Variants in KAZN observed in about 807,000 individuals in gnomAD.
KAZN encodes the protein kazrin, periplakin interacting protein, also known as kazrin.
KAZN carries 40 observed loss-of-function variants against 87.4 expected under a neutral mutation model. That is an observed-to-expected ratio of 0.46 (90% CI 0.36 to 0.60). The LOEUF (loss-of-function observed/expected upper bound fraction) is 0.60, where lower values mean the gene tolerates loss of function less well. Among genes scored for constraint, KAZN ranks in the 20% least tolerant of loss-of-function variants. The pLI is 0.00. For synonymous variants in KAZN, 466 were observed against 458.3 expected (o/e 1.02, Z -0.22); for missense variants, 898 against 1,073.9 (o/e 0.84, Z 2.29).
chr1:14,786,117 TA>T (rs1645501499), intron 1 of KAZN, among the ~76,000 whole-genome samples: 1 of 152,220 alleles, frequency 6.6e-6, no homozygotes, highest in African/African-American at 2.4e-5. Flanking sequence ...TCATTGTAAT[TA>T]TATTTCATCT....
intron 2 of KAZN, among the ~76,000 whole-genome samples, chr1:14,475,644 T>C (rs1408153201): frequency 6.6e-6 from 1 of 152,206 alleles, no homozygotes; most frequent in Non-Finnish European, 1.5e-5. Context: ...AACTATTCAG[T>C]ATTTCAATTT....
intron 1 of KAZN, among the ~76,000 whole-genome samples, chr1:14,630,220 C>T (rs1348997699): frequency 3.3e-5 from 5 of 152,180 alleles, no homozygotes; most frequent in East Asian, 3.9e-4. Flanking sequence ...TACCCCAGCT[C>T]GGTCCTGATG....
chr1:14,581,271 T>C (rs1675530561), intron 2 of KAZN, among the ~76,000 whole-genome samples: 1 of 152,196 alleles, frequency 6.6e-6, no homozygotes, highest in African/African-American at 2.4e-5. Context: ...AATGAATGTT[T>C]CATTCTTCCA....
At chr1:14,021,953 C>CTTTTTTTTTTTTT in intron 1 of KAZN, among the ~76,000 whole-genome samples, 1 of 114,292 alleles carries the variant, frequency 8.7e-6, no homozygotes, top group Non-Finnish European at 1.7e-5. Flanking sequence ...AATGAACATG[C>CTTTTTTTTTTTTT]TTTTTTTTTT....
chr1:14,304,143 T>C lies in KAZN; in HGVS notation c.249+123551T>C, dbSNP rs1007915396. ...TTCCCTTCCTCTGGGCATTTCCTTTTGGAGTGGTAGAAAATGGGCCCAGAA... is the reference window on the plus strand; with the variant it reads ...TTCCCTTCCTCTGGGCATTTCCTTTCGGAGTGGTAGAAAATGGGCCCAGAA... On this transcript the variant is annotated intron_variant, in intron 2 of 16. Transcript: ENST00000636203. 5.9e-5 allele frequency among the ~76,000 whole-genome samples: 9 copies of C among 152,310 alleles called. No homozygotes were observed. The East Asian group carries it at 1.7e-3, about 29-fold the overall frequency.
chr1:14,466,774 C>T (rs1325905070), intron 2 of KAZN, among the ~76,000 whole-genome samples: 1 of 151,948 alleles, frequency 6.6e-6, no homozygotes, highest in Non-Finnish European at 1.5e-5. Context: ...GGAGACCATC[C>T]TGGCTAACAC....
intron 2 of KAZN, among the ~76,000 whole-genome samples, chr1:14,352,717 C>A (rs1658652926): frequency 6.6e-6 from 1 of 152,086 alleles, no homozygotes; most frequent in Non-Finnish European, 1.5e-5. Flanking sequence ...CTTACAAATA[C>A]CTTTTCATCA....
chr1:14,557,921 T>C (rs1042158641), intron 2 of KAZN, among the ~76,000 whole-genome samples: 16 of 152,158 alleles, frequency 1.1e-4, no homozygotes, highest in African/African-American at 3.9e-4. Context: ...GCACTAATAT[T>C]ATTGACCTTC....
chr1:15,070,182 G>C (rs554403609), intron 8 of KAZN, among the ~76,000 whole-genome samples: 1 of 152,208 alleles, frequency 6.6e-6, no homozygotes, highest in East Asian at 1.9e-4. Context: ...CTTCTCCCAG[G>C]GGGGCATCTT....
At chr1:14,983,664 G>A (rs144270542) in intron 2 of KAZN, among the ~76,000 whole-genome samples, 16 of 152,304 alleles carry the variant, frequency 1.1e-4, no homozygotes, top group Non-Finnish European at 2.2e-4. Flanking sequence ...AAGAGAGGCC[G>A]GGCGTGGTGG....
intron 3 of KAZN, among the ~76,000 whole-genome samples, chr1:15,041,644 C>T (rs1195714735): frequency 3.3e-5 from 5 of 152,006 alleles, no homozygotes; most frequent in African/African-American, 1.2e-4. Flanking sequence ...GCCACACTCC[C>T]CTCTTATGTC....
chr1:14,379,837 A>C (rs1218006883), intron 2 of KAZN, among the ~76,000 whole-genome samples: 2 of 152,188 alleles, frequency 1.3e-5, no homozygotes, highest in African/African-American at 4.8e-5. Flanking sequence ...GGCTGGCTTC[A>C]CCACTTGCTG....
intron 8 of KAZN, among the ~76,000 whole-genome samples, chr1:15,089,229 C>T (rs1640414742): frequency 6.6e-6 from 1 of 152,178 alleles, no homozygotes; most frequent in African/African-American, 2.4e-5. Flanking sequence ...TCCTTTCTCT[C>T]CTTCCCATGC....
At chr1:14,892,904 T>C (rs551400297) in intron 1 of KAZN, among the ~76,000 whole-genome samples, 30 of 152,334 alleles carry the variant, frequency 2.0e-4, no homozygotes, top group Admixed American at 1.7e-3. Flanking sequence ...ACCAGTCTCC[T>C]AAGATTATTC....
intron 1 of KAZN, among the ~76,000 whole-genome samples, chr1:14,109,063 C>T (rs1644442370): frequency 6.6e-6 from 1 of 152,328 alleles, no homozygotes; most frequent in East Asian, 1.9e-4. Flanking sequence ...AGCCCATGAC[C>T]TTTACTTAAG....
chr1:14,527,327 G>C (rs1434027689), intron 2 of KAZN, among the ~76,000 whole-genome samples: 1 of 152,170 alleles, frequency 6.6e-6, no homozygotes, highest in Non-Finnish European at 1.5e-5. Context: ...GAGGTAGCCA[G>C]ATCACAAGGT....
chr1:14,737,545 C>G (rs1159709806), intron 1 of KAZN, among the ~76,000 whole-genome samples: 3 of 152,188 alleles, frequency 2.0e-5, no homozygotes, highest in African/African-American at 7.2e-5. Context: ...TTACTGCACA[C>G]TGGGCAGCTT....
chr1:13,912,592 G>C (rs1042844940), intron 1 of KAZN, among the ~76,000 whole-genome samples: 2 of 151,542 alleles, frequency 1.3e-5, no homozygotes, highest in Non-Finnish European at 3.0e-5. Flanking sequence ...CTGTAAAAAT[G>C]AAATCCTACC....
At chr1:14,752,288 T>C (rs1026747023) in intron 1 of KAZN, among the ~76,000 whole-genome samples, 2 of 152,180 alleles carry the variant, frequency 1.3e-5, no homozygotes, top group Non-Finnish European at 2.9e-5. Flanking sequence ...CAGACGAGTC[T>C]GTGAGATGAT....
Sources: allele counts gnomAD v4.1 joint callset (sites outside exome capture counted in the v4.1 genomes callset), GRCh38; gene constraint gnomAD v4.1.1; transcripts MANE v1.5; gene names NCBI Gene and HGNC (gene_info 2026-07-23, HGNC 2026-07-21).